The following ZNF33B variants were observed in gnomAD, a reference collection of about 807,000 sequenced individuals.
ZNF33B encodes the protein zinc finger protein 11b (KOX 2).
A neutral mutation model predicts 45.8 loss-of-function variants in ZNF33B; 29 were observed. The ratio of observed to expected loss-of-function variants is 0.63; its 90% CI spans 0.47 to 0.86. The LOEUF (loss-of-function observed/expected upper bound fraction) is 0.86, where lower values mean the gene tolerates loss of function less well. Ranked by LOEUF, ZNF33B falls within the 40% of genes least tolerant of loss-of-function variation. ZNF33B has a pLI of 0.00. For missense variants in ZNF33B, 831 were observed against 909.9 expected, an observed-to-expected ratio of 0.91 and a Z score of 1.12; for synonymous variants, 305 against 307.8, an observed-to-expected ratio of 0.99 and a Z score of 0.10.
At chr10:42,624,475 G>A (rs1194332210) in intron 4 of ZNF33B, among the ~76,000 whole-genome samples, 1 of 152,190 alleles carries the variant, frequency 6.6e-6, no homozygotes, top group Non-Finnish European at 1.5e-5. Context: ...AAGACGCCCA[G>A]TGGAAGCCTG....
intron 4 of ZNF33B, among the ~76,000 whole-genome samples, chr10:42,609,332 T>C (rs183982250): frequency 4.9e-4 from 74 of 151,942 alleles, no homozygotes; most frequent in Non-Finnish European, 6.9e-4. Flanking sequence ...GGTGGGAAAA[T>C]TGCCTGAGCC....
chr10:42,603,929 A>C (rs1837732712), intron 4 of ZNF33B, among the ~76,000 whole-genome samples: 1 of 152,242 alleles, frequency 6.6e-6, no homozygotes, highest in Non-Finnish European at 1.5e-5. Flanking sequence ...CAAGTTGCCT[A>C]AATAAATAAG....
chr10:42,636,992 A>G lies in ZNF33B; in HGVS notation c.-44-20T>C, dbSNP rs1839335132. 6.2e-7 allele frequency: 1 copy of G among 1,612,894 alleles called. No individual in the cohort carries two copies. Among genetic ancestry groups the G allele is most frequent in the Non-Finnish European group, 8.5e-7 (1 of 1,179,452 alleles). On this transcript the variant is annotated intron_variant, in intron 1 of 4. Transcript: ENST00000359467. ...ATACAGCTGAGTTGGAAAAAGAGGA[A>G]TGGGGTCATGAAAGATTTGGCCTGC... is the stretch of plus-strand genomic sequence containing the variant.
At position 42,590,920 on chromosome 10, in the gene ZNF33B, AT is replaced by A. The variant is rs1410611838; in HGVS notation, c.*1692del. On this transcript the variant is annotated 3_prime_UTR_variant, in exon 5 of 5. Transcript: ENST00000359467. ...TTCAATTTCACTGATTTTTACTCTA[AT>A]TTTTTTCCAGGTTACTTTGGATTTA... 4 of 153,700 alleles carry A rather than the reference AT, an allele frequency of 2.6e-5. No individual in the cohort carries two copies. The highest frequency in any genetic ancestry group is 6.6e-5 in the Admixed American group (1 of 15,250). The allele number at this position is 153,700 out of a possible 1,614,324, so 9.5% of individuals were successfully genotyped here. A position where few individuals can be genotyped will look rare whatever the true frequency, so the allele number is the denominator to read the frequency against.
intron 4 of ZNF33B, among the ~76,000 whole-genome samples, chr10:42,601,908 C>CTTTT (rs34431290): frequency 2.4e-4 from 18 of 75,332 alleles, no homozygotes; most frequent in African/African-American, 9.3e-4. Context: ...ATGTGATATT[C>CTTTT]TTTTTTTTTT....
At chr10:42,599,678 CT>C (rs2132058284) in intron 4 of ZNF33B, among the ~76,000 whole-genome samples, 1 of 152,014 alleles carries the variant, frequency 6.6e-6, no homozygotes, top group South Asian at 2.1e-4. Context: ...ACACACAATG[CT>C]TATTTGTGTC....
In ZNF33B at chr10:42,592,564, T is replaced by C; in HGVS notation, c.*49A>G. The stretch of plus-strand genomic sequence containing the variant: ...GCCCTTCTCCACAGTGTGAAGACTC[T>C]GAGGCATTATGGAGGCTGACTTGTG... On this transcript the variant is annotated 3_prime_UTR_variant, in exon 5 of 5. Transcript: ENST00000359467. 1.3e-6 allele frequency: 2 copies of C among 1,580,496 alleles called. No homozygotes were observed. Among genetic ancestry groups the C allele is most frequent in the Non-Finnish European group, 8.6e-7 (1 of 1,163,532 alleles).
Position 42,592,938 on chromosome 10 carries a change from C to A in ZNF33B, c.2012G>T (p.Gly671Val), listed in dbSNP as rs375182481. Residue 671 changes from glycine to valine, a missense_variant, in exon 5 of 5, where the codon GGA (glycine) becomes GTA (valine). Transcript: ENST00000359467. Reference sequence around the variant, plus strand: ...TCCTGACTTCACACAGAAAGATTTTCCACATTCGTTACATTTATAAGGCTT... The same window carrying A: ...TCCTGACTTCACACAGAAAGATTTTACACATTCGTTACATTTATAAGGCTT... ...QEKPYKCNEC[G>V]KSFCVKSGLI... is the part of the protein sequence containing the mutation. The A allele has an allele frequency of 1.2e-6, 2 of 1,613,660 alleles. No homozygotes were observed. Among genetic ancestry groups the A allele is most frequent in the African/African-American group, 2.7e-5 (2 of 74,794 alleles).
At chr10:42,586,681 C>G (rs1040313536), downstream of ZNF33B, among the ~76,000 whole-genome samples, 1 of 152,230 alleles carries the variant, frequency 6.6e-6, no homozygotes, top group Non-Finnish European at 1.5e-5. Context: ...AATAATCTGA[C>G]AAATGTCTTA....
chr10:42,603,804 A>G (rs1837727633), intron 4 of ZNF33B, among the ~76,000 whole-genome samples: 2 of 151,698 alleles, frequency 1.3e-5, no homozygotes, highest in East Asian at 1.9e-4. Context: ...CAAAGAGAGC[A>G]CTGTTAACAC....
At chr10:42,636,783 GA>G in intron 2 of ZNF33B, 136 bp downstream of exon 2, 1 of 1,188,992 alleles carries the variant, frequency 8.4e-7, no homozygotes, top group Non-Finnish European at 1.2e-6. Flanking sequence ...AACAGAGATG[GA>G]GACACTGCGC....
intron 1 of ZNF33B, among the ~76,000 whole-genome samples, chr10:42,580,436 C>G (rs1217723469): frequency 6.6e-6 from 1 of 151,868 alleles, no homozygotes; most frequent in Non-Finnish European, 1.5e-5. Flanking sequence ...TGGGGTTTTG[C>G]CATGTTGGCC....
intron 4 of ZNF33B, among the ~76,000 whole-genome samples, chr10:42,615,296 T>C (rs952155226): frequency 2.6e-5 from 4 of 152,212 alleles, no homozygotes; most frequent in African/African-American, 9.6e-5. Context: ...TTATTCATAA[T>C]AGTCAAGAAG....
intron 4 of ZNF33B, among the ~76,000 whole-genome samples, chr10:42,599,606 A>C (rs2132058089): frequency 6.6e-6 from 1 of 152,102 alleles, no homozygotes; most frequent in East Asian, 1.9e-4. Flanking sequence ...ATGCATTTAC[A>C]TATTGTGGAA....
intron 2 of ZNF33B, among the ~76,000 whole-genome samples, chr10:42,633,623 C>A (rs1246843659): frequency 6.6e-6 from 1 of 152,118 alleles, no homozygotes; most frequent in Non-Finnish European, 1.5e-5. Flanking sequence ...AAAGTTAGGG[C>A]AAAATAGGTT....
rs183208816 is a variant in ZNF33B, at chr10:42,595,305, T to C, written c.251-606A>G. Among the ~76,000 whole-genome samples the C allele has an allele frequency of 2.4e-4, 36 of 152,276 alleles. No individual in the cohort carries two copies. In the East Asian group the frequency reaches 6.8e-3, roughly 29 times the overall value. ...AGTGAGAAAATGCTCAGAAGATGTC[T>C]GAATTCACATAGATTAAAGCTCAGG... On this transcript the variant is annotated intron_variant, in intron 4 of 4. Transcript: ENST00000359467.
At chr10:42,601,905 A>G (rs1225122471) in intron 4 of ZNF33B, among the ~76,000 whole-genome samples, 1 of 123,796 alleles carries the variant, frequency 8.1e-6, no homozygotes, top group Non-Finnish European at 1.7e-5. Context: ...TCTATGTGAT[A>G]TTCTTTTTTT....
intron 4 of ZNF33B, among the ~76,000 whole-genome samples, chr10:42,602,199 T>C (rs1837658769): frequency 6.6e-6 from 1 of 152,136 alleles, no homozygotes; most frequent in African/African-American, 2.4e-5. Flanking sequence ...AGTGCTGGCA[T>C]TACAGGTGTG....
intron 1 of ZNF33B, among the ~76,000 whole-genome samples, chr10:42,578,213 A>T (rs1589008093): frequency 6.6e-6 from 1 of 152,338 alleles, no homozygotes; most frequent in East Asian, 1.9e-4. Flanking sequence ...ACCCAGCCAC[A>T]GGGCTGCAGG....
Sources: allele counts gnomAD v4.1 joint callset (sites outside exome capture counted in the v4.1 genomes callset), GRCh38; gene constraint gnomAD v4.1.1; transcripts MANE v1.5; gene names NCBI Gene and HGNC (gene_info 2026-07-23, HGNC 2026-07-21).